The following MKLN1 variants were observed in gnomAD, a reference collection of about 807,000 sequenced individuals.
MKLN1 encodes muskelin 1.
In MKLN1, 18 loss-of-function variants were observed where a neutral mutation model predicts 99.0. The ratio of observed to expected loss-of-function variants is 0.18; its 90% confidence interval spans 0.13 to 0.27. The LOEUF is 0.27. MKLN1 is among the 10% of genes least tolerant of loss of function. MKLN1 has a pLI of 1.00. For missense variants in MKLN1, 621 were observed against 875.9 expected (o/e 0.71, Z 3.67); for synonymous variants, 288 against 293.2 (o/e 0.98, Z 0.18).
intron 8 of MKLN1, among the ~76,000 whole-genome samples, chr7:131,418,366 T>C (rs1233841700): frequency 8.6e-6 from 1 of 116,698 alleles, no homozygotes; most frequent in Admixed American, 1.0e-4. Flanking sequence ...CAAGACTTCG[T>C]CTCAAAAAAA....
chr7:131,373,759 C>G (rs988076530), intron 1 of MKLN1, among the ~76,000 whole-genome samples: 5 of 152,148 alleles, frequency 3.3e-5, no homozygotes, highest in African/African-American at 1.2e-4. Flanking sequence ...ACGTTTGTCA[C>G]AACTAAGATG....
At position 131,158,689 on chromosome 7, in the gene MKLN1, C is replaced by A. The variant is rs192703938; in HGVS notation, c.-297+15748C>A. ...CTTATTTTCTGTATTTCATTTTTCACTTTTCACCTTTATGAAAAGGACTGA... is the reference window on the plus strand; with the variant it reads ...CTTATTTTCTGTATTTCATTTTTCAATTTTCACCTTTATGAAAAGGACTGA... On this transcript the variant is annotated intron_variant, in intron 2 of 7. Transcript: ENST00000416992. Among the ~76,000 whole-genome samples the A allele has an allele frequency of 9.2e-5, 14 of 152,282 alleles. No homozygotes were observed. In the East Asian group the frequency reaches 2.7e-3, roughly 29 times the overall value.
chr7:131,181,820 C>T (rs1241948427), intron 2 of MKLN1, among the ~76,000 whole-genome samples: 1 of 152,110 alleles, frequency 6.6e-6, no homozygotes, highest in African/African-American at 2.4e-5. Flanking sequence ...CCACCACGCC[C>T]AGCTAATTTT....
intron 1 of MKLN1, among the ~76,000 whole-genome samples, chr7:131,370,651 A>C (rs1184262876): frequency 1.3e-5 from 2 of 151,964 alleles, no homozygotes; most frequent in Non-Finnish European, 2.9e-5. Context: ...TCACCAGGAG[A>C]CACCCCTCAG....
chr7:131,248,081 ATTT>A lies in MKLN1; in HGVS notation c.-179+45108_-179+45110del, dbSNP rs1048852689. ...ACTCAGCTAATTACATTTATTATTTATTTATTTATTTATTTATTTATTTTTGTA... is the reference window on the plus strand; with the variant it reads ...ACTCAGCTAATTACATTTATTATTTAATTTATTTATTTATTTATTTTTGTA... On this transcript the variant is annotated intron_variant, in intron 3 of 7. Transcript: ENST00000416992. 2.2e-5 allele frequency among the ~76,000 whole-genome samples: 3 copies of A among 138,002 alleles called. No homozygotes were observed. In the East Asian group the frequency reaches 5.9e-4, roughly 27 times the overall value. 90.5% of individuals were successfully genotyped at this position (138,002 alleles called of 152,430 possible).
At chr7:131,360,427 C>T (rs1011300673) in intron 1 of MKLN1, among the ~76,000 whole-genome samples, 3 of 152,160 alleles carry the variant, frequency 2.0e-5, no homozygotes, top group East Asian at 3.9e-4. Flanking sequence ...ATTTTGTTTT[C>T]TCATCTCTTA....
chr7:131,443,350 T>G, intron 10 of MKLN1, 131 bp from the exon 11 acceptor site: 1 of 617,586 alleles, frequency 1.6e-6, no homozygotes. Flanking sequence ...TAATCAGGGG[T>G]GGTATTTAGT....
At chr7:131,175,218 TAG>T (rs750361730) in intron 2 of MKLN1, among the ~76,000 whole-genome samples, 29 of 150,638 alleles carry the variant, frequency 1.9e-4, no homozygotes, top group South Asian at 1.0e-3. Context: ...AATGGATGGA[TAG>T]AGAGAGAGAG....
At chr7:131,396,482 ATAG>A (rs999150269) in intron 4 of MKLN1, among the ~76,000 whole-genome samples, 43 of 152,260 alleles carry the variant, frequency 2.8e-4, no homozygotes, top group African/African-American at 9.9e-4. Context: ...TTAGTGACAA[ATAG>A]TAGAGATATT....
intron 6 of MKLN1, among the ~76,000 whole-genome samples, chr7:131,409,832 T>C (rs1794820404): frequency 6.6e-6 from 1 of 152,180 alleles, no homozygotes; most frequent in Non-Finnish European, 1.5e-5. Flanking sequence ...GCAGATTTCA[T>C]GGTTGGTTGA....
At chr7:131,261,617 A>C (rs1425443624) in intron 3 of MKLN1, among the ~76,000 whole-genome samples, 1 of 152,244 alleles carries the variant, frequency 6.6e-6, no homozygotes, top group African/African-American at 2.4e-5. Context: ...CAGAAGTACC[A>C]TTCCACCCAG....
intron 3 of MKLN1, among the ~76,000 whole-genome samples, chr7:131,229,340 G>T (rs1797205554): frequency 6.6e-6 from 1 of 151,706 alleles, no homozygotes; most frequent in Non-Finnish European, 1.5e-5. Context: ...AGGCCCCAGT[G>T]TGTGATGCCC....
At chr7:131,130,659 T>C (rs928893072) in intron 1 of MKLN1, among the ~76,000 whole-genome samples, 1 of 152,260 alleles carries the variant, frequency 6.6e-6, no homozygotes, top group Non-Finnish European at 1.5e-5. Context: ...AATAATATAA[T>C]GGACCATGGA....
intron 1 of MKLN1, among the ~76,000 whole-genome samples, chr7:131,349,149 A>T (rs1424647380): frequency 6.6e-6 from 1 of 152,144 alleles, no homozygotes; most frequent in Non-Finnish European, 1.5e-5. Flanking sequence ...TTAATTACAT[A>T]TAAATGAAGC....
chr7:131,290,008 T>TA (rs1224098897), intron 3 of MKLN1, among the ~76,000 whole-genome samples: 24 of 152,338 alleles, frequency 1.6e-4, no homozygotes, highest in African/African-American at 4.3e-4. Context: ...CAATGCTATT[T>TA]AAAATTGCAA....
rs576269960 is a variant in MKLN1, at chr7:131,426,506, T to G, written c.848-2527T>G. Among the ~76,000 whole-genome samples, 6 of 152,334 alleles carry G rather than the reference T, an allele frequency of 3.9e-5. No homozygotes were observed. In the South Asian group the frequency reaches 1.2e-3, roughly 32 times the overall value. On this transcript the variant is annotated intron_variant, in intron 8 of 17. Transcript: ENST00000352689. ...ACTGTGTGCCATTTTGGAAACAGAATGTTACTTAACGATGATAATGGATTG... is the reference window on the plus strand; with the variant it reads ...ACTGTGTGCCATTTTGGAAACAGAAGGTTACTTAACGATGATAATGGATTG...
At position 131,395,536 on chromosome 7, in the gene MKLN1, T is replaced by C. The variant is rs139496206; in HGVS notation, c.401-1731T>C. ...ATGGTGGTGAGGCATACAGTGCACC[T>C]TGTACTTACTGAGCACTAATAGTAC... On this transcript the variant is annotated intron_variant, in intron 4 of 17. Coordinates refer to ENST00000352689, the MANE Select transcript of MKLN1 (RefSeq NM_013255.5). Among the ~76,000 whole-genome samples, 13 of 151,180 alleles carry C rather than the reference T, an allele frequency of 8.6e-5. No homozygotes were observed. The East Asian group carries it at 2.5e-3, about 29-fold the overall frequency.
At position 131,445,913 on chromosome 7, in the gene MKLN1, T is replaced by C. The variant is rs182492578; in HGVS notation, c.1525+10T>C. ...AAAGACTCTGGGATGGGTAAGGGCA[T>C]TGAGTGATTTCTTCTCTCATGTCTT... On this transcript the variant is annotated intron_variant, in intron 12 of 17. Transcript: ENST00000352689. The C allele has an allele frequency of 1.1e-5, 17 of 1,566,772 alleles. No individual in the cohort carries two copies. The African/African-American group carries it at 2.0e-4, about 19-fold the overall frequency.
At chr7:131,426,072 C>T (rs1795348575) in intron 8 of MKLN1, among the ~76,000 whole-genome samples, 1 of 152,192 alleles carries the variant, frequency 6.6e-6, no homozygotes, top group Non-Finnish European at 1.5e-5. Flanking sequence ...ACAAAGCTTT[C>T]ATGGATAGGA....
Sources: gnomAD v4.1 joint callset for allele counts (sites outside exome capture counted in the v4.1 genomes callset) on GRCh38, gnomAD v4.1.1 for gene constraint, MANE v1.5 for transcripts, NCBI Gene and HGNC (gene_info 2026-07-23, HGNC 2026-07-21) for gene names.